The following PLEKHG7 variants were observed in gnomAD, a reference collection of about 807,000 sequenced individuals.
The protein encoded by PLEKHG7 is pleckstrin homology domain-containing family G member 7.
A neutral mutation model predicts 85.2 loss-of-function variants in PLEKHG7; 77 were observed. That is an observed-to-expected ratio of 0.90 (90% CI 0.75 to 1.09). The LOEUF (loss-of-function observed/expected upper bound fraction) is 1.09. Ranked by LOEUF, PLEKHG7 falls within the 50% of genes least tolerant of loss-of-function variation. The pLI, the probability that PLEKHG7 is intolerant of heterozygous loss-of-function variation, is 0.00. For synonymous variants in PLEKHG7, 301 were observed against 302.4 expected, an observed-to-expected ratio of 1.00 and a Z score of 0.05; for missense variants, 777 against 804.3, an observed-to-expected ratio of 0.97 and a Z score of 0.41.
chr12:92,720,586 G>A (rs10777445), intron 3 of PLEKHG7, among the ~76,000 whole-genome samples: 78,261 of 151,974 alleles, frequency 0.51, 21,001 homozygotes, highest in East Asian at 0.89. Flanking sequence ...TTGGTCTCCC[G>A]AAGTACTGGG....
chr12:92,744,297 T>C lies in PLEKHG7; in HGVS notation c.1138-1181T>C, dbSNP rs114895990. ...TAAACCTATCAATGGACACATAAGC[T>C]TAGCAACATGGTAGACACTATGGAA... On this transcript the variant is annotated intron_variant, in intron 9 of 16. Coordinates refer to ENST00000344636, the MANE Select transcript of PLEKHG7 (RefSeq NM_001377329.1). Among the ~76,000 whole-genome samples the C allele has an allele frequency of 4.0e-3, 615 of 152,258 alleles. 12 individuals carry two copies. Among genetic ancestry groups the C allele is most frequent in the African/African-American group, 0.014 (591 of 41,544 alleles).
intron 10 of PLEKHG7, among the ~76,000 whole-genome samples, chr12:92,748,725 C>A (rs4760494): frequency 0.48 from 72,953 of 151,964 alleles, 18,525 homozygotes; most frequent in East Asian, 0.9. Context: ...AGAACCATAG[C>A]AAGATTTTCA....
At chr12:92,724,026 C>A (rs1254811658) in intron 3 of PLEKHG7, among the ~76,000 whole-genome samples, 1 of 152,064 alleles carries the variant, frequency 6.6e-6, no homozygotes, top group African/African-American at 2.4e-5. Context: ...CAATCCCCGC[C>A]CTCTTTAAAT....
chr12:92,749,544 A>G (rs1872628071), intron 10 of PLEKHG7: 1 of 152,178 alleles, frequency 6.6e-6, no homozygotes, highest in Non-Finnish European at 1.5e-5. Context: ...CCTGCTTACT[A>G]TTTTAGAAAC....
chr12:92,715,060 ATAG>A (rs1871442811), intron 3 of PLEKHG7, among the ~76,000 whole-genome samples: 1 of 151,332 alleles, frequency 6.6e-6, no homozygotes, highest in Non-Finnish European at 1.5e-5. Flanking sequence ...AGATAGATAG[ATAG>A]ATAAAGAGTT....
chr12:92,737,551 T>C (rs1232047682), intron 7 of PLEKHG7, 30 bp downstream of exon 7: 2 of 1,597,456 alleles, frequency 1.3e-6, no homozygotes, highest in East Asian at 2.3e-5. Flanking sequence ...TTGTAGTAGA[T>C]GGAAAATATT....
At chr12:92,718,829 A>G (rs1289703193) in intron 3 of PLEKHG7, among the ~76,000 whole-genome samples, 1 of 152,220 alleles carries the variant, frequency 6.6e-6, no homozygotes, top group Non-Finnish European at 1.5e-5. Flanking sequence ...AGCAGTTACC[A>G]TGGTGCTCTG....
intron 7 of PLEKHG7, among the ~76,000 whole-genome samples, chr12:92,740,121 C>T (rs1056707113): frequency 6.6e-6 from 1 of 152,222 alleles, no homozygotes; most frequent in East Asian, 1.9e-4. Context: ...AAAGCCCAGT[C>T]TTTTAACCCC....
At position 92,740,901 on chromosome 12, in the gene PLEKHG7, G is replaced by A. The variant is rs116042545; in HGVS notation, c.988G>A (p.Asp330Asn). ...RYLQTHEYLL[D>N]VDLWRLFANL... ...TCTGCAAACTCATGAATATCTCCTAGATGTGGATTTATGGAGACTTTTTGC... is the reference window on the plus strand; with the variant it reads ...TCTGCAAACTCATGAATATCTCCTAAATGTGGATTTATGGAGACTTTTTGC... Residue 330 changes from aspartate (D) to asparagine (N), a missense_variant, in exon 8 of 17, where the codon GAT becomes AAT. This residue lies in a region of PLEKHG7 where 520 missense variants were observed against 544.0 expected (regional missense o/e 0.96). Transcript: ENST00000344636. The A allele has an allele frequency of 3.4e-4, 543 of 1,612,236 alleles. 3 individuals carry two copies. The African/African-American group carries it at 6.4e-3, about 19-fold the overall frequency.
intron 4 of PLEKHG7, among the ~76,000 whole-genome samples, chr12:92,730,902 G>A (rs1442574867): frequency 6.6e-6 from 1 of 152,124 alleles, no homozygotes; most frequent in Non-Finnish European, 1.5e-5. Flanking sequence ...ATACCCCTCT[G>A]CCCTCTTCTC....
At chr12:92,715,384 AC>A (rs1871453230) in intron 3 of PLEKHG7, among the ~76,000 whole-genome samples, 3 of 152,072 alleles carry the variant, frequency 2.0e-5, no homozygotes, top group Admixed American at 2.0e-4. Context: ...TCACAGATAC[AC>A]CCAGGATCAA....
At position 92,745,554 on chromosome 12, in the gene PLEKHG7, G is replaced by C. The variant is rs116611401; in HGVS notation, c.1214G>C (p.Ser405Thr). The change falls in exon 10 of 17, where the codon AGC becomes ACC. Residue 405 changes from serine (S) to threonine (T), a missense_variant. Ser to Thr is a moderately conservative substitution (Grantham distance 58, BLOSUM62 1). Coordinates refer to ENST00000344636, the MANE Select transcript of PLEKHG7 (RefSeq NM_001377329.1). ...TCAGCTGCTATCTTTTATCTTGAGA[G>C]CCTGAGGCAGAGAGATGACTTTGGA... ...NYSAAIFYLESLRQRDDFGIY... is the reference protein window; with the variant it reads ...NYSAAIFYLETLRQRDDFGIY... The C allele has an allele frequency of 9.1e-4, 1,474 of 1,613,876 alleles. 18 individuals carry two copies. The African/African-American group carries it at 0.017, about 19-fold the overall frequency.
chr12:92,716,107 T>TTTTG (rs374460721), intron 3 of PLEKHG7, among the ~76,000 whole-genome samples: 5,218 of 150,404 alleles, frequency 0.035, 288 homozygotes, highest in African/African-American at 0.12. Context: ...TTTTGTTTTG[T>TTTTG]TTTTTTTGAG....
At chr12:92,739,535 C>T (rs1469373264) in intron 7 of PLEKHG7, among the ~76,000 whole-genome samples, 4 of 152,306 alleles carry the variant, frequency 2.6e-5, no homozygotes, top group South Asian at 2.1e-4. Flanking sequence ...TGTAAGCTGT[C>T]CAAGCTTTTC....
intron 14 of PLEKHG7, among the ~76,000 whole-genome samples, chr12:92,762,808 A>C (rs1229388513): frequency 6.6e-6 from 1 of 152,252 alleles, no homozygotes; most frequent in Non-Finnish European, 1.5e-5. Flanking sequence ...TAATAAACTA[A>C]GCTTCTACAT....
In PLEKHG7 at chr12:92,771,125, A is replaced by G. The variant is rs931438093; in HGVS notation, c.*930A>G. On this transcript the variant is annotated 3_prime_UTR_variant, in exon 17 of 17. Transcript: ENST00000344636. The stretch of plus-strand genomic sequence containing the variant: ...AATAATTATTATCATGGCAGGATAT[A>G]TACTATTAACTACATTCAAGGAACT... 1 of 152,090 alleles carries G rather than the reference A, an allele frequency of 6.6e-6. No individual in the cohort carries two copies. Among genetic ancestry groups the G allele is most frequent in the African/African-American group, 2.4e-5 (1 of 41,438 alleles). The allele number at this position is 152,090 out of a possible 1,614,324, so 9.4% of individuals were successfully genotyped here.
At chr12:92,704,765 A>T (rs188759872) in intron 1 of PLEKHG7, among the ~76,000 whole-genome samples, 51 of 152,322 alleles carry the variant, frequency 3.3e-4, no homozygotes, top group Admixed American at 1.2e-3. Flanking sequence ...TTTTATAGAG[A>T]TGGGGTCTCA....
At chr12:92,727,883 G>A (rs566422510) in intron 3 of PLEKHG7, among the ~76,000 whole-genome samples, 92 of 150,740 alleles carry the variant, frequency 6.1e-4, no homozygotes, top group African/African-American at 2.1e-3. Context: ...GAGCCACTGC[G>A]CCTGGCCAAT....
rs1872810506 is a variant in PLEKHG7, at chr12:92,755,837, G to A, written c.1439G>A (p.Gly480Glu). The change falls in exon 12 of 17, where the codon GGA (glycine) becomes GAA (glutamate). Residue 480 changes from glycine (G) to glutamate (E), a missense_variant. Physicochemically the swap from Gly to Glu is moderately conservative, Grantham distance 98. Transcript: ENST00000344636. ...KVEKSIRDLE[G>E]KVKWLDNFQK... is the part of the protein sequence containing the mutation. ...TCATGTCTTTCAGGGGACCTTGAAGGAAAAGTGAAGTGGCTGGACAATTTC... is the reference window on the plus strand; with the variant it reads ...TCATGTCTTTCAGGGGACCTTGAAGAAAAAGTGAAGTGGCTGGACAATTTC... 1 of 1,611,686 alleles carries A rather than the reference G, an allele frequency of 6.2e-7. No individual in the cohort carries two copies. Among genetic ancestry groups the A allele is most frequent in the Non-Finnish European group, 8.5e-7 (1 of 1,178,434 alleles).
Sources: allele counts gnomAD v4.1 joint callset (sites outside exome capture counted in the v4.1 genomes callset), GRCh38; gene constraint gnomAD v4.1.1; regional missense constraint gnomAD v4.1.1; transcripts MANE v1.5; gene names NCBI Gene and HGNC (gene_info 2026-07-23, HGNC 2026-07-21).